The following CLEC16A variants were observed in gnomAD, a reference collection of about 807,000 sequenced individuals.
CLEC16A encodes protein CLEC16A.
In CLEC16A, 51 loss-of-function variants were observed where a neutral mutation model predicts 109.5. The observed-to-expected ratio is 0.47, with a 90% confidence interval of 0.37 to 0.59. The LOEUF (loss-of-function observed/expected upper bound fraction) is 0.59. CLEC16A is among the 20% of genes least tolerant of loss of function. The pLI, the probability that CLEC16A is intolerant of heterozygous loss-of-function variation, is 0.00. For missense variants in CLEC16A, 1,339 were observed against 1,394.0 expected, an observed-to-expected ratio of 0.96 and a Z score of 0.63; for synonymous variants, 673 against 564.2, an observed-to-expected ratio of 1.19 and a Z score of -2.73.
Position 11,037,434 on chromosome 16 carries a change from T to C in CLEC16A, c.1538-2320T>C, listed in dbSNP as rs570061877. Among the ~76,000 whole-genome samples, 4 of 152,340 alleles carry C rather than the reference T, an allele frequency of 2.6e-5. No homozygotes were observed. The East Asian group carries it at 7.7e-4, about 29-fold the overall frequency. ...GGAACCTGGTACAGAGAGAAGTGTTTCTATCCTCTGGGACCTTCCCTTCAC... is the reference window on the plus strand; with the variant it reads ...GGAACCTGGTACAGAGAGAAGTGTTCCTATCCTCTGGGACCTTCCCTTCAC... On this transcript the variant is annotated intron_variant, in intron 13 of 23. Transcript: ENST00000409790.
chr16:11,080,707 G>A (rs9652582), intron 19 of CLEC16A, among the ~76,000 whole-genome samples: 59,472 of 152,098 alleles, frequency 0.39, 12,691 homozygotes, highest in African/African-American at 0.57. Flanking sequence ...AAGGTCGCCT[G>A]TGCTTTGGCT....
intron 22 of CLEC16A, among the ~76,000 whole-genome samples, chr16:11,128,525 C>T (rs1488206867): frequency 1.3e-5 from 2 of 152,248 alleles, no homozygotes; most frequent in Non-Finnish European, 2.9e-5. Context: ...TCTCCCCTGA[C>T]TGCCCCTGGA....
chr16:11,165,350 G>T (rs146614856), intron 22 of CLEC16A, among the ~76,000 whole-genome samples: 2 of 151,994 alleles, frequency 1.3e-5, no homozygotes, highest in East Asian at 3.9e-4. Flanking sequence ...AAATTATTTG[G>T]GTATGGTGGC....
chr16:11,156,599 G>A, intron 22 of CLEC16A: 8 of 1,304,272 alleles, frequency 6.1e-6, no homozygotes, highest in Non-Finnish European at 8.1e-6. Context: ...CAGTAGAGAG[G>A]CAGCCCAGAT....
chr16:10,946,453 G>C (rs910934306), intron 1 of CLEC16A, among the ~76,000 whole-genome samples: 5 of 152,174 alleles, frequency 3.3e-5, no homozygotes, highest in Non-Finnish European at 4.4e-5. Flanking sequence ...GCAGGAGGTG[G>C]TGAGAGAAGA....
intron 20 of CLEC16A, 124 bp from the exon 21 acceptor site, chr16:11,123,618 A>G (rs578044930): frequency 1.1e-6 from 1 of 919,728 alleles, no homozygotes; most frequent in African/African-American, 1.6e-5. Flanking sequence ...GAGGCTGTCG[A>G]TCTTAGATCA....
chr16:11,170,548 A>G (rs2068466818), intron 23 of CLEC16A, among the ~76,000 whole-genome samples: 1 of 152,224 alleles, frequency 6.6e-6, no homozygotes, highest in African/African-American at 2.4e-5. Flanking sequence ...ATTTAGGCTC[A>G]GGCTGTCCTC....
chr16:11,003,193 G>C lies in CLEC16A; in HGVS notation c.1191G>C (p.Gly397=). 1 of 1,613,634 alleles carries C rather than the reference G, an allele frequency of 6.2e-7. No homozygotes were observed. The highest frequency in any genetic ancestry group is 8.5e-7 in the Non-Finnish European group (1 of 1,179,860). Residue 397 remains glycine (G), a synonymous_variant, in exon 11 of 24, where the codon GGG becomes GGC. Transcript: ENST00000409790. Reference sequence around the variant, plus strand: ...AGAGACCCAACTACAAAAACGTTGGGGAAGAAGAAGATGAGGAGAAAGGGC... The same window carrying C: ...AGAGACCCAACTACAAAAACGTTGGCGAAGAAGAAGATGAGGAGAAAGGGC... ...VQKRPNYKNV[G]EEEDEEKGPT... is the part of the protein sequence containing the mutation.
At chr16:11,095,083 C>CT (rs71136618) in intron 19 of CLEC16A, among the ~76,000 whole-genome samples, 59,379 of 150,152 alleles carry the variant, frequency 0.4, 12,379 homozygotes, top group African/African-American at 0.56. Context: ...AGTTGCTAAT[C>CT]TTTTTTTTTC....
intron 10 of CLEC16A, among the ~76,000 whole-genome samples, chr16:10,986,012 A>ATTTTGTTTTTTTTT (rs2043626289): frequency 2.3e-5 from 1 of 43,436 alleles, no homozygotes; most frequent in African/African-American, 1.1e-4. Context: ...GGCCTGCAGA[A>ATTTTGTTTTTTTTT]TTTTTTTTTT....
intron 19 of CLEC16A, among the ~76,000 whole-genome samples, chr16:11,114,207 C>T (rs1049749015): frequency 6.6e-6 from 1 of 150,414 alleles, no homozygotes; most frequent in African/African-American, 2.5e-5. Flanking sequence ...CCTGGCTGCC[C>T]CCTTCCCCTC....
intron 13 of CLEC16A, among the ~76,000 whole-genome samples, chr16:11,034,277 C>A (rs565531301): frequency 9.2e-5 from 14 of 152,300 alleles, no homozygotes; most frequent in African/African-American, 2.9e-4. Flanking sequence ...TCTTCCAAAG[C>A]TGGTAATACT....
At chr16:10,998,770 C>T (rs969513465) in intron 10 of CLEC16A, among the ~76,000 whole-genome samples, 1 of 152,188 alleles carries the variant, frequency 6.6e-6, no homozygotes, top group Non-Finnish European at 1.5e-5. Context: ...TCCGCCCCTG[C>T]TCTGGTCCAG....
At chr16:11,126,791 C>G (rs1397668499) in intron 22 of CLEC16A, 1 of 152,744 alleles carries the variant, frequency 6.5e-6, no homozygotes, top group Admixed American at 6.5e-5. Flanking sequence ...ACCCCGATCC[C>G]TCGAAAGAGA....
chr16:11,138,374 C>G (rs1202010620), intron 22 of CLEC16A, among the ~76,000 whole-genome samples: 1 of 152,200 alleles, frequency 6.6e-6, no homozygotes, highest in African/African-American at 2.4e-5. Context: ...GATAGCAAAG[C>G]GCTTTGTGAG....
At position 11,131,045 on chromosome 16, in the gene CLEC16A, A is replaced by G. The variant is rs79130567; in HGVS notation, c.2641+4899A>G. Among the ~76,000 whole-genome samples, 488 of 152,022 alleles carry G rather than the reference A, an allele frequency of 3.2e-3. 3 individuals are homozygous for G. Among genetic ancestry groups the G allele is most frequent in the Middle Eastern group, 0.031 (9 of 294 alleles). ...TTTGGCTCAGAAAAAAAAAATCACA[A>G]GTTCTATTTATTGGCTGGTTTTATG... is the stretch of plus-strand genomic sequence containing the variant. On this transcript the variant is annotated intron_variant, in intron 22 of 23. Transcript: ENST00000409790.
chr16:11,046,136 TGCCCTAAGTTTATGTCC>T (rs1270686143), intron 16 of CLEC16A, among the ~76,000 whole-genome samples: 1 of 152,194 alleles, frequency 6.6e-6, no homozygotes, highest in Non-Finnish European at 1.5e-5. Context: ...CCAGTATAAC[TGCCCTAAGTTTATGTCC>T]TCTAGAAAGC....
At chr16:11,022,343 T>G in intron 12 of CLEC16A, among the ~76,000 whole-genome samples, 1 of 143,938 alleles carries the variant, frequency 6.9e-6, no homozygotes, top group Non-Finnish European at 1.5e-5. Context: ...CTACCTTTTT[T>G]TTTTTTTTTT....
intron 19 of CLEC16A, among the ~76,000 whole-genome samples, chr16:11,075,412 CTGTG>C (rs375261875): frequency 5.0e-5 from 6 of 120,548 alleles, no homozygotes; most frequent in Admixed American, 1.8e-4. Flanking sequence ...GTGTGTGTGT[CTGTG>C]TGTGTGTGTG....
Sources: allele counts gnomAD v4.1 joint callset (sites outside exome capture counted in the v4.1 genomes callset), GRCh38; gene constraint gnomAD v4.1.1; transcripts MANE v1.5; gene names NCBI Gene and HGNC (gene_info 2026-07-23, HGNC 2026-07-21).